The following DPP6 variants were observed in gnomAD, a reference collection of about 807,000 sequenced individuals.
DPP6 encodes dipeptidyl peptidase like 6, also known as A-type potassium channel modulatory protein DPP6.
A neutral mutation model predicts 122.6 loss-of-function variants in DPP6; 69 were observed. The observed-to-expected ratio is 0.56, with a 90% CI of 0.46 to 0.69. The LOEUF is 0.69. Among genes scored for constraint, DPP6 ranks in the 30% least tolerant of loss-of-function variants. The pLI, the probability that DPP6 is intolerant of heterozygous loss-of-function variation, is 0.00. For synonymous variants in DPP6, 418 were observed against 433.1 expected, an observed-to-expected ratio of 0.97 and a Z score of 0.43; for missense variants, 928 against 1,116.9, an observed-to-expected ratio of 0.83 and a Z score of 2.41.
At chr7:154,337,404 T>C (rs1038964215) in intron 1 of DPP6, among the ~76,000 whole-genome samples, 7 of 152,226 alleles carry the variant, frequency 4.6e-5, no homozygotes, top group African/African-American at 1.7e-4. Context: ...GTTTTCAATA[T>C]TGTAATAGGC....
intron 5 of DPP6, among the ~76,000 whole-genome samples, chr7:154,619,937 C>G (rs1304801835): frequency 6.6e-6 from 1 of 152,174 alleles, no homozygotes; most frequent in Non-Finnish European, 1.5e-5. Flanking sequence ...TTGGTGTGCT[C>G]ACAGAGAAGC....
chr7:153,769,837 C>T, the DPP6 span, among the ~76,000 whole-genome samples: 9 of 152,128 alleles, frequency 5.9e-5, no homozygotes, highest in Non-Finnish European at 7.3e-5. Flanking sequence ...TTTGAACACA[C>T]TTGCTTAGTT....
intron 1 of DPP6, among the ~76,000 whole-genome samples, chr7:154,168,872 A>G (rs1407643496): frequency 6.6e-6 from 1 of 152,244 alleles, no homozygotes; most frequent in Non-Finnish European, 1.5e-5. Context: ...TGAAATATGT[A>G]TTATCGTCTC....
chr7:154,011,983 A>T (rs1268828979), intron 1 of DPP6, among the ~76,000 whole-genome samples: 1 of 152,200 alleles, frequency 6.6e-6, no homozygotes, highest in Admixed American at 6.5e-5. Context: ...AACAATAACA[A>T]TGTCAAAACA....
upstream of DPP6, among the ~76,000 whole-genome samples, chr7:154,051,367 C>T (rs922686465): frequency 1.4e-5 from 2 of 146,100 alleles, no homozygotes; most frequent in Non-Finnish European, 3.0e-5. Flanking sequence ...GACGTGGGGA[C>T]GAGACGAGAG....
intron 1 of DPP6, among the ~76,000 whole-genome samples, chr7:154,372,336 G>A (rs1175691314): frequency 6.6e-6 from 1 of 152,148 alleles, no homozygotes; most frequent in Non-Finnish European, 1.5e-5. Flanking sequence ...TTATTGCAGA[G>A]CATGGATTTT....
the DPP6 span, among the ~76,000 whole-genome samples, chr7:153,818,571 G>A: frequency 6.6e-6 from 1 of 152,052 alleles, no homozygotes; most frequent in East Asian, 1.9e-4. Flanking sequence ...TATATTGTAT[G>A]GTGCCATTTA....
intron 2 of DPP6, 80 bp downstream of exon 2, chr7:154,446,408 A>G (rs970478878): frequency 9.7e-6 from 9 of 928,986 alleles, no homozygotes; most frequent in Admixed American, 6.9e-5. Context: ...TTTTCTAAGT[A>G]ACTACCTATT....
intron 1 of DPP6, among the ~76,000 whole-genome samples, chr7:154,172,947 CATT>C (rs1797612531): frequency 6.6e-6 from 1 of 152,122 alleles, no homozygotes; most frequent in Admixed American, 6.6e-5. Context: ...TAACAGAAAA[CATT>C]ATATGTGTGT....
chr7:154,799,608 A>G (rs1359961457), intron 12 of DPP6, among the ~76,000 whole-genome samples: 1 of 152,186 alleles, frequency 6.6e-6, no homozygotes, highest in Admixed American at 6.5e-5. Flanking sequence ...GGACAAAATT[A>G]TTATATCTGA....
chr7:154,871,122 T>C (rs1194603511), intron 18 of DPP6, among the ~76,000 whole-genome samples: 3 of 152,166 alleles, frequency 2.0e-5, no homozygotes, highest in Non-Finnish European at 2.9e-5. Flanking sequence ...CTGAGCTCCT[T>C]AGGCCTGGCC....
chr7:154,792,638 G>GC (rs1489580102), intron 10 of DPP6, among the ~76,000 whole-genome samples: 1 of 152,246 alleles, frequency 6.6e-6, no homozygotes, highest in African/African-American at 2.4e-5. Context: ...CTGTGGACAT[G>GC]CAAGCCAGGT....
At chr7:154,301,739 C>A (rs1805913344) in intron 1 of DPP6, among the ~76,000 whole-genome samples, 1 of 149,938 alleles carries the variant, frequency 6.7e-6, no homozygotes, top group Admixed American at 6.7e-5. Flanking sequence ...GAATAAAAGG[C>A]AGTCCTATTT....
the DPP6 span, among the ~76,000 whole-genome samples, chr7:153,762,843 A>T: frequency 6.6e-6 from 1 of 152,194 alleles, no homozygotes; most frequent in East Asian, 1.9e-4. Context: ...TATTTGAAAC[A>T]CAGGACTCTG....
intron 3 of DPP6, among the ~76,000 whole-genome samples, chr7:154,536,910 A>G (rs560023245): frequency 6.6e-6 from 1 of 152,182 alleles, no homozygotes; most frequent in Non-Finnish European, 1.5e-5. Context: ...CCTACCTCAC[A>G]CCATACATTC....
intron 1 of DPP6, among the ~76,000 whole-genome samples, chr7:154,235,019 G>A (rs1395630905): frequency 6.6e-6 from 1 of 152,210 alleles, no homozygotes; most frequent in Admixed American, 6.5e-5. Flanking sequence ...TTTGGTGACA[G>A]CTTTATTGAG....
At chr7:153,802,671 G>C in the DPP6 span, among the ~76,000 whole-genome samples, 1 of 152,060 alleles carries the variant, frequency 6.6e-6, no homozygotes, top group Admixed American at 6.5e-5. Context: ...TGCCTATTCG[G>C]GAAATGCATA....
At position 154,253,420 on chromosome 7, in the gene DPP6, A is replaced by C. The variant is rs75747215; in HGVS notation, c.244-192794A>C. Among the ~76,000 whole-genome samples the C allele has an allele frequency of 4.6e-3, 699 of 152,368 alleles. 16 individuals are homozygous for C. Among genetic ancestry groups the C allele is most frequent in the East Asian group, 0.038 (195 of 5,176 alleles). On this transcript the variant is annotated intron_variant, in intron 1 of 25. Coordinates refer to ENST00000377770, the MANE Select transcript of DPP6 (RefSeq NM_130797.4). ...TGTCAAGAAAGCCCTTGCAGCAAGA[A>C]GGTACTCAAATTAAATAATGCTTGA...
intron 4 of DPP6, among the ~76,000 whole-genome samples, chr7:154,543,174 G>T (rs1479966474): frequency 6.6e-6 from 1 of 152,212 alleles, no homozygotes; most frequent in Non-Finnish European, 1.5e-5. Context: ...CTGTGAGCTT[G>T]TATAAATGAT....
Sources: gnomAD v4.1 joint callset for allele counts (sites outside exome capture counted in the v4.1 genomes callset) on GRCh38, gnomAD v4.1.1 for gene constraint, MANE v1.5 for transcripts, NCBI Gene and HGNC (gene_info 2026-07-23, HGNC 2026-07-21) for gene names.